Variants in VPS13A observed in about 807,000 individuals in gnomAD.
VPS13A encodes intermembrane lipid transfer protein VPS13A.
A neutral mutation model predicts 390.9 loss-of-function variants in VPS13A; 264 were observed. That is an observed-to-expected ratio of 0.68 (90% CI 0.61 to 0.75). VPS13A has a LOEUF of 0.75. Ranked by LOEUF, VPS13A falls within the 30% of genes least tolerant of loss-of-function variation. The pLI, the probability that VPS13A is intolerant of heterozygous loss-of-function variation, is 0.00. For missense variants in VPS13A, 3,409 were observed against 3,733.9 expected, an observed-to-expected ratio of 0.91 and a Z score of 2.27; for synonymous variants, 1,231 against 1,227.1, an observed-to-expected ratio of 1.00 and a Z score of -0.07.
At chr9:77,306,400 G>C (rs1764776442) in intron 34 of VPS13A, among the ~76,000 whole-genome samples, 1 of 138,746 alleles carries the variant, frequency 7.2e-6, no homozygotes, top group Admixed American at 7.6e-5. Flanking sequence ...GAGAGAGAGA[G>C]AGTGTGTGTG....
chr9:77,413,743 G>T (rs1374647065), intron 71 of VPS13A, among the ~76,000 whole-genome samples: 1 of 152,116 alleles, frequency 6.6e-6, no homozygotes. Flanking sequence ...TGACAAATGG[G>T]ATCTAATTAA....
intron 17 of VPS13A, among the ~76,000 whole-genome samples, chr9:77,229,425 C>T (rs1332782689): frequency 6.6e-6 from 1 of 152,188 alleles, no homozygotes; most frequent in Admixed American, 6.5e-5. Flanking sequence ...CATTAGCAGT[C>T]ACTCCCAAGT....
chr9:77,358,362 A>G lies in VPS13A; in HGVS notation c.7959A>G (p.Gln2653=). ...FRIQIYRIQI[Q]NQIHGAVFPF... is the part of the protein sequence containing the mutation. ...ATGTGTTTTTATTTTCTTAGATCCA[A>G]AATCAGATACATGGTGCTGTATTTC... The change falls in exon 57 of 72, where the codon CAA becomes CAG. Residue 2653 remains glutamine (Q), a synonymous_variant. Transcript: ENST00000360280. 6.2e-7 allele frequency: 1 copy of G among 1,613,092 alleles called. No homozygotes were observed. Among genetic ancestry groups the G allele is most frequent in the Non-Finnish European group, 8.5e-7 (1 of 1,179,446 alleles).
At chr9:77,360,457 T>TA in intron 58 of VPS13A, 79 bp from the exon 59 acceptor site, 4 of 1,081,444 alleles carry the variant, frequency 3.7e-6, no homozygotes, top group Non-Finnish European at 4.3e-6. Context: ...ATTGATCTCA[T>TA]ACTTTTTTCT....
rs1425352930 is a variant in VPS13A at position 77,317,716 on chromosome 9, C to A, written c.4956+18C>A. ...CACTAAAGGTAAATTAAAATATAAT[C>A]ATTTGAATATTTAGTGCACTTAAAA... On this transcript the variant is annotated intron_variant, in intron 40 of 71. Transcript: ENST00000360280. 2.6e-6 allele frequency: 4 copies of A among 1,544,434 alleles called. No individual in the cohort carries two copies. The highest frequency in any genetic ancestry group is 2.3e-5 in the East Asian group (1 of 42,562).
intron 10 of VPS13A, among the ~76,000 whole-genome samples, chr9:77,218,538 T>C (rs1025243485): frequency 6.6e-6 from 1 of 152,190 alleles, no homozygotes; most frequent in African/African-American, 2.4e-5. Flanking sequence ...ATTCTACAGT[T>C]TGATATTTTA....
chr9:77,226,842 A>C (rs192193448), intron 15 of VPS13A, among the ~76,000 whole-genome samples: 102 of 152,292 alleles, frequency 6.7e-4, no homozygotes, highest in Non-Finnish European at 1.1e-3. Flanking sequence ...GAATGCATAT[A>C]GCACAGTAAT....
intron 71 of VPS13A, among the ~76,000 whole-genome samples, chr9:77,415,191 G>A (rs1031086733): frequency 1.3e-5 from 2 of 152,138 alleles, no homozygotes; most frequent in Non-Finnish European, 2.9e-5. Flanking sequence ...CAATTTACCT[G>A]CAATAAAGTT....
At position 77,280,165 on chromosome 9, in the gene VPS13A, A is replaced by G. The variant is rs774168415; in HGVS notation, c.2831A>G (p.Asn944Ser). ...CLKCPEYLDE[N>S]KKPVYLVTTL... ...TTTAAAAAATTATTTTTAGATGAAA[A>G]CAAGAAACCAGTTTATTTGGTTACA... The change falls in exon 27 of 72, where the codon AAC becomes AGC. Residue 944 changes from asparagine to serine, a missense_variant. Asn to Ser is a conservative substitution (Grantham distance 46). Around this residue, in one of 5 missense-constraint regions of VPS13A, gnomAD observed 2,717 missense variants for 2,917.4 expected, o/e 0.93. Transcript: ENST00000360280. 23 of 1,608,202 alleles carry G rather than the reference A, an allele frequency of 1.4e-5. No homozygotes were observed. The highest frequency in any genetic ancestry group is 3.5e-4 in the Middle Eastern group (2 of 5,682).
intron 1 of VPS13A, among the ~76,000 whole-genome samples, chr9:77,179,439 G>C (rs1823866972): frequency 6.6e-6 from 1 of 152,186 alleles, no homozygotes; most frequent in Admixed American, 6.5e-5. Context: ...ATGTTGGCCA[G>C]GCTGGTCTCA....
chr9:77,340,506 G>A lies in VPS13A; in HGVS notation c.6982G>A (p.Ala2328Thr). 1 of 1,613,116 alleles carries A rather than the reference G, an allele frequency of 6.2e-7. No individual in the cohort carries two copies. The highest frequency in any genetic ancestry group is 1.1e-5 in the South Asian group (1 of 91,038). ...CAAAAGCAAATACCATATATCAGTG[G>A]CTGAAGAAGGAAATGATAAATGGCT... ...KNKSKYHISV[A>T]EEGNDKWLSL... The change falls in exon 50 of 72, where the codon GCT (alanine) becomes ACT (threonine). Residue 2328 changes from alanine (A) to threonine (T), a missense_variant. Around this residue, in one of 5 missense-constraint regions of VPS13A, gnomAD observed 2,717 missense variants for 2,917.4 expected, o/e 0.93. Transcript: ENST00000360280.
At chr9:77,283,696 T>C in intron 31 of VPS13A, 46 bp downstream of exon 31, 2 of 1,436,864 alleles carry the variant, frequency 1.4e-6, no homozygotes, top group East Asian at 5.0e-5. Context: ...TAAATAGGAT[T>C]GTCCTTTAAG....
chr9:77,249,457 C>CT (rs902924687), intron 20 of VPS13A, among the ~76,000 whole-genome samples: 5 of 151,980 alleles, frequency 3.3e-5, no homozygotes, highest in African/African-American at 9.7e-5. Flanking sequence ...CAGAGATAAT[C>CT]TTTTTTTGAG....
intron 71 of VPS13A, among the ~76,000 whole-genome samples, chr9:77,409,902 C>T (rs953797655): frequency 6.6e-6 from 1 of 151,358 alleles, no homozygotes; most frequent in African/African-American, 2.4e-5. Context: ...CTTCCCCAAT[C>T]TAGCAAGGCA....
At chr9:77,194,274 G>T in intron 1 of VPS13A, among the ~76,000 whole-genome samples, 1 of 152,042 alleles carries the variant, frequency 6.6e-6, no homozygotes, top group East Asian at 1.9e-4. Context: ...GGTGGCTGTC[G>T]GGAAGTGCTG....
intron 50 of VPS13A, among the ~76,000 whole-genome samples, chr9:77,342,591 A>G (rs928364375): frequency 3.9e-5 from 6 of 152,210 alleles, no homozygotes; most frequent in Non-Finnish European, 8.8e-5. Flanking sequence ...TTTCATGCAC[A>G]AAATTATTTA....
intron 10 of VPS13A, among the ~76,000 whole-genome samples, chr9:77,218,795 T>C (rs1823012280): frequency 6.6e-6 from 1 of 152,128 alleles, no homozygotes; most frequent in African/African-American, 2.4e-5. Flanking sequence ...TATACAAAAA[T>C]AGGCTGTAGC....
intron 71 of VPS13A, 87 bp downstream of exon 71, chr9:77,407,694 G>T (rs561880899): frequency 1.8e-5 from 19 of 1,058,684 alleles, no homozygotes; most frequent in African/African-American, 1.7e-4. Flanking sequence ...GATAAGTTTT[G>T]TTTGGGGGTT....
chr9:77,211,389 A>G (rs1219652889), intron 7 of VPS13A: 1 of 152,104 alleles, frequency 6.6e-6, no homozygotes, highest in African/African-American at 2.4e-5. Context: ...TCCTTTTTGC[A>G]CTTTCCAGTG....
Sources: allele counts gnomAD v4.1 joint callset (sites outside exome capture counted in the v4.1 genomes callset), GRCh38; gene constraint gnomAD v4.1.1; regional missense constraint gnomAD v4.1.1; transcripts MANE v1.5; gene names NCBI Gene and HGNC (gene_info 2026-07-23, HGNC 2026-07-21).